The following PRMT3 variants were observed in gnomAD, a reference collection of about 807,000 sequenced individuals.
PRMT3 encodes protein arginine N-methyltransferase 3.
In PRMT3, 62 loss-of-function variants were observed where a neutral mutation model predicts 71.9. The observed-to-expected ratio is 0.86, with a 90% CI of 0.70 to 1.07. The LOEUF (loss-of-function observed/expected upper bound fraction) is 1.07, where lower values mean the gene tolerates loss of function less well. PRMT3 is among the 50% of genes least tolerant of loss of function. The pLI, the probability that PRMT3 is intolerant of heterozygous loss-of-function variation, is 0.00. For missense variants in PRMT3, 663 were observed against 643.0 expected (o/e 1.03, Z -0.34); for synonymous variants, 213 against 220.4 (o/e 0.97, Z 0.30).
At chr11:20,409,687 A>ACACACT (rs1484421810) in intron 9 of PRMT3, among the ~76,000 whole-genome samples, 3 of 149,762 alleles carry the variant, frequency 2.0e-5, no homozygotes, top group Non-Finnish European at 4.5e-5. Flanking sequence ...ACACACACAC[A>ACACACT]CACACGTTGC....
chr11:20,487,944 G>T (rs538808088), intron 13 of PRMT3, among the ~76,000 whole-genome samples: 5 of 152,220 alleles, frequency 3.3e-5, no homozygotes, highest in East Asian at 3.9e-4. Flanking sequence ...ATTACATTGT[G>T]TTTTTCAATA....
chr11:20,472,097 G>A (rs950068834), intron 13 of PRMT3, among the ~76,000 whole-genome samples: 26 of 152,204 alleles, frequency 1.7e-4, no homozygotes, highest in African/African-American at 6.0e-4. Context: ...AGAAGCTTTT[G>A]GGCTGAGATG....
intron 9 of PRMT3, among the ~76,000 whole-genome samples, chr11:20,413,670 A>G (rs1165258318): frequency 4.0e-5 from 6 of 151,364 alleles, no homozygotes; most frequent in Non-Finnish European, 7.4e-5. Flanking sequence ...TATTGCAGCT[A>G]TCTTGTCAAA....
chr11:20,438,957 G>C (rs950113731), intron 10 of PRMT3, among the ~76,000 whole-genome samples: 1 of 152,150 alleles, frequency 6.6e-6, no homozygotes, highest in Non-Finnish European at 1.5e-5. Flanking sequence ...TTGACCCTAC[G>C]TGTAAGGGTG....
chr11:20,452,068 T>C (rs1248497366), intron 10 of PRMT3, 62 bp from the exon 11 acceptor site: 9 of 1,195,658 alleles, frequency 7.5e-6, no homozygotes, highest in Admixed American at 4.1e-5. Context: ...GATGTTTAAA[T>C]TGACCTGCTT....
In PRMT3 at chr11:20,508,340, A is replaced by AT. The variant is rs1851644759; in HGVS notation, c.1524dup (p.Lys509Ter). The AT allele has an allele frequency of 6.2e-7, 1 of 1,611,732 alleles. No individual in the cohort carries two copies. Among genetic ancestry groups the AT allele is most frequent in the Non-Finnish European group, 8.5e-7 (1 of 1,178,058 alleles). Reference sequence around the variant, plus strand: ...AAAGGAAAGGTCACAGTTCACAAGAATAAGAAAGATCCACGTTCTCTCACC... The same window carrying AT: ...AAAGGAAAGGTCACAGTTCACAAGAATTAAGAAAGATCCACGTTCTCTCACC... On this transcript the variant is annotated frameshift_variant, in exon 16 of 16. Transcript: ENST00000331079. LOFTEE classifies it high-confidence loss of function.
chr11:20,444,656 T>C (rs1849983397), intron 10 of PRMT3, among the ~76,000 whole-genome samples: 1 of 152,192 alleles, frequency 6.6e-6, no homozygotes, highest in African/African-American at 2.4e-5. Flanking sequence ...TCAGACTTGC[T>C]TTATGGCCCA....
intron 13 of PRMT3, among the ~76,000 whole-genome samples, chr11:20,481,047 TGAAA>T (rs2133433484): frequency 6.6e-6 from 1 of 152,272 alleles, no homozygotes; most frequent in South Asian, 2.1e-4. Context: ...GAACATTTTA[TGAAA>T]GACTTTTTGA....
intron 10 of PRMT3, among the ~76,000 whole-genome samples, chr11:20,446,718 C>T (rs568253290): frequency 2.0e-5 from 3 of 152,246 alleles, no homozygotes; most frequent in Admixed American, 1.3e-4. Flanking sequence ...AGAAATTTAT[C>T]TTGGCCAAAT....
At chr11:20,481,048 G>A (rs1447663701) in intron 13 of PRMT3, among the ~76,000 whole-genome samples, 5 of 152,082 alleles carry the variant, frequency 3.3e-5, no homozygotes, top group African/African-American at 4.8e-5. Flanking sequence ...AACATTTTAT[G>A]AAAGACTTTT....
At chr11:20,388,856 C>G (rs1390624887) in intron 2 of PRMT3, among the ~76,000 whole-genome samples, 1 of 152,212 alleles carries the variant, frequency 6.6e-6, no homozygotes, top group Non-Finnish European at 1.5e-5. Context: ...CTGTCCTAGG[C>G]AAGTAGGCAT....
chr11:20,402,832 G>A, intron 7 of PRMT3, 87 bp from the exon 8 acceptor site: 1 of 958,792 alleles, frequency 1.0e-6, no homozygotes, highest in Non-Finnish European at 1.6e-6. Context: ...AACTAGCAAT[G>A]TGTGTTAATA....
intron 11 of PRMT3, among the ~76,000 whole-genome samples, chr11:20,454,602 AAAT>A (rs899821508): frequency 2.6e-5 from 4 of 152,300 alleles, no homozygotes; most frequent in African/African-American, 9.6e-5. Context: ...GAGTAACAAA[AAAT>A]AGTCTATTTG....
chr11:20,451,598 G>C (rs1370838794), intron 10 of PRMT3, among the ~76,000 whole-genome samples: 1 of 151,940 alleles, frequency 6.6e-6, no homozygotes, highest in Admixed American at 6.6e-5. Context: ...GACATTTTGG[G>C]CCAGGCCATT....
At chr11:20,489,989 T>C (rs576713526) in intron 13 of PRMT3, among the ~76,000 whole-genome samples, 97 of 148,988 alleles carry the variant, frequency 6.5e-4, no homozygotes, top group Non-Finnish European at 1.2e-3. Context: ...AAACCCTGTC[T>C]CTTTAAGGGG....
chr11:20,418,985 A>G (rs142695225), intron 9 of PRMT3, among the ~76,000 whole-genome samples: 1,774 of 152,286 alleles, frequency 0.012, 9 homozygotes, highest in Non-Finnish European at 0.019. Context: ...TGGTATGAAC[A>G]ATTTTGTTAT....
At chr11:20,497,724 T>G (rs1590112570) in intron 15 of PRMT3, among the ~76,000 whole-genome samples, 1 of 152,154 alleles carries the variant, frequency 6.6e-6, no homozygotes, top group East Asian at 1.9e-4. Context: ...TCAGGCAAAG[T>G]AGTTGGAGCA....
intron 7 of PRMT3, 106 bp downstream of exon 7, chr11:20,397,827 G>A (rs1590032584): frequency 4.2e-6 from 5 of 1,194,630 alleles, no homozygotes; most frequent in Non-Finnish European, 5.7e-6. Flanking sequence ...TTTTGGGTGG[G>A]GAGAACTGCT....
At chr11:20,469,993 AG>A (rs1247298815) in intron 13 of PRMT3, among the ~76,000 whole-genome samples, 4 of 152,126 alleles carry the variant, frequency 2.6e-5, no homozygotes, top group Non-Finnish European at 5.9e-5. Flanking sequence ...TCACTTAATG[AG>A]GGGGATATAT....
Sources: allele counts gnomAD v4.1 joint callset (sites outside exome capture counted in the v4.1 genomes callset), GRCh38; gene constraint gnomAD v4.1.1; transcripts MANE v1.5; gene names NCBI Gene and HGNC (gene_info 2026-07-23, HGNC 2026-07-21).